The following SEPTIN11 variants were observed in gnomAD, a reference collection of about 807,000 sequenced individuals.
The protein encoded by SEPTIN11 is septin-11.
In SEPTIN11, 25 loss-of-function variants were observed where a neutral mutation model predicts 51.4. That is an observed-to-expected ratio of 0.49 (90% CI 0.35 to 0.68). The LOEUF (loss-of-function observed/expected upper bound fraction) is 0.68, where lower values mean the gene tolerates loss of function less well. Among genes scored for constraint, SEPTIN11 ranks in the 30% least tolerant of loss-of-function variants. The pLI is 0.00. For missense variants in SEPTIN11, 381 were observed against 520.8 expected (o/e 0.73, Z 2.61); for synonymous variants, 174 against 184.1 (o/e 0.95, Z 0.44).
chr4:76,954,364 G>GT (rs1192979950), intron 1 of SEPTIN11, among the ~76,000 whole-genome samples: 3 of 152,122 alleles, frequency 2.0e-5, no homozygotes, highest in Non-Finnish European at 4.4e-5. Flanking sequence ...CTCAAATGGG[G>GT]TTAGCAAAGC....
At chr4:76,956,530 A>C (rs540168226) in intron 1 of SEPTIN11, among the ~76,000 whole-genome samples, 91 of 152,290 alleles carry the variant, frequency 6.0e-4, no homozygotes, top group Non-Finnish European at 4.4e-5. Context: ...CCACCCTCGG[A>C]GGTCTGCTGC....
At chr4:77,002,878 G>A (rs2645662) in intron 2 of SEPTIN11, among the ~76,000 whole-genome samples, 60,319 of 151,826 alleles carry the variant, frequency 0.4, 12,324 homozygotes, top group Non-Finnish European at 0.45. Flanking sequence ...TGTTACAAAC[G>A]TGCAAACAGT....
rs74414008 is a variant in SEPTIN11 at position 77,013,923 on chromosome 4, A to T, written c.526-933A>T. Among the ~76,000 whole-genome samples the T allele has an allele frequency of 8.2e-3, 1,254 of 152,292 alleles. 11 individuals are homozygous for T. Among genetic ancestry groups the T allele is most frequent in the Non-Finnish European group, 0.012 (838 of 68,012 alleles). ...TAACGTCTTATTGAAACCTGTGTTT[A>T]CAGGGATTAGGGGAAAGTTAATCTT... On this transcript the variant is annotated intron_variant, in intron 4 of 9. Coordinates refer to ENST00000264893, the MANE Select transcript of SEPTIN11 (RefSeq NM_018243.4).
intron 1 of SEPTIN11, among the ~76,000 whole-genome samples, chr4:76,951,223 C>G (rs994818517): frequency 3.3e-5 from 5 of 152,188 alleles, no homozygotes. Context: ...TTCATGGGTC[C>G]CTTTGCGGAT....
At chr4:76,991,329 G>C (rs1723364427) in intron 1 of SEPTIN11, among the ~76,000 whole-genome samples, 2 of 152,180 alleles carry the variant, frequency 1.3e-5, no homozygotes. Flanking sequence ...AAAGCAAGTA[G>C]AAAGCAAAGC....
At chr4:76,989,004 T>G (rs1723197428) in intron 1 of SEPTIN11, among the ~76,000 whole-genome samples, 1 of 152,230 alleles carries the variant, frequency 6.6e-6, no homozygotes, top group South Asian at 2.1e-4. Context: ...CTGTGTTGGC[T>G]TTCCTTAAGC....
chr4:76,999,430 C>CCTTA (rs1486946245), intron 2 of SEPTIN11, among the ~76,000 whole-genome samples: 1 of 152,176 alleles, frequency 6.6e-6, no homozygotes, highest in Non-Finnish European at 1.5e-5. Context: ...AACTTTTCCT[C>CCTTA]CTTACTTACT....
At chr4:77,031,992 A>C (rs1400145252) in intron 9 of SEPTIN11, 1 of 152,220 alleles carries the variant, frequency 6.6e-6, no homozygotes, top group African/African-American at 2.4e-5. Context: ...ACATTCTTTA[A>C]ACATAGAGTA....
In SEPTIN11 at chr4:77,035,331, C is replaced by A; in HGVS notation, c.*819C>A. 1 of 985,434 alleles carries A rather than the reference C, an allele frequency of 1.0e-6. No individual in the cohort carries two copies. Among genetic ancestry groups the A allele is most frequent in the Non-Finnish European group, 1.2e-6 (1 of 829,940 alleles). 61.0% of individuals were successfully genotyped at this position (985,434 alleles called of 1,614,324 possible). Reference sequence around the variant, plus strand: ...TGGGCTTTCTACAGCCTGCTTACCACTAACAGTAAGGAATCTTTCATAAAC... The same window carrying A: ...TGGGCTTTCTACAGCCTGCTTACCAATAACAGTAAGGAATCTTTCATAAAC... On this transcript the variant is annotated 3_prime_UTR_variant, in exon 10 of 10. Coordinates refer to ENST00000264893, the MANE Select transcript of SEPTIN11 (RefSeq NM_018243.4).
In SEPTIN11 at chr4:77,026,093, C is replaced by G. The variant is rs372416957; in HGVS notation, c.954-2536C>G. ...AACTTTTTAACGTACTGGTTAAGACCCACAACTGAGTTGTGATTCATAGTT... is the reference window on the plus strand; with the variant it reads ...AACTTTTTAACGTACTGGTTAAGACGCACAACTGAGTTGTGATTCATAGTT... On this transcript the variant is annotated intron_variant, in intron 7 of 9. Transcript: ENST00000264893. 1.9e-4 allele frequency among the ~76,000 whole-genome samples: 29 copies of G among 152,202 alleles called. No individual in the cohort carries two copies. In the South Asian group the frequency reaches 5.2e-3, roughly 27 times the overall value.
intron 1 of SEPTIN11, among the ~76,000 whole-genome samples, chr4:76,966,011 G>T (rs1346714842): frequency 6.6e-6 from 1 of 152,202 alleles, no homozygotes; most frequent in African/African-American, 2.4e-5. Flanking sequence ...ATAAGAGGCT[G>T]CCATTTCTTT....
At chr4:76,982,221 T>C (rs1722807137) in intron 1 of SEPTIN11, among the ~76,000 whole-genome samples, 2 of 152,084 alleles carry the variant, frequency 1.3e-5, no homozygotes, top group South Asian at 4.2e-4. Context: ...TCTTTTTTTT[T>C]TTTTTGATTG....
chr4:76,951,593 A>G (rs35642569), intron 1 of SEPTIN11, among the ~76,000 whole-genome samples: 1 of 152,254 alleles, frequency 6.6e-6, no homozygotes, highest in African/African-American at 2.4e-5. Flanking sequence ...AACTAAAATA[A>G]CAATATCTGC....
downstream of SEPTIN11, chr4:77,040,011 G>T (rs1364269303): frequency 6.5e-6 from 1 of 152,712 alleles, no homozygotes; most frequent in African/African-American, 2.4e-5. Flanking sequence ...TGCTTTCCTT[G>T]TTTTGGAAAC....
intron 8 of SEPTIN11, among the ~76,000 whole-genome samples, chr4:77,030,085 G>A (rs184196535): frequency 7.9e-5 from 12 of 152,064 alleles, no homozygotes; most frequent in Middle Eastern, 3.4e-3. Flanking sequence ...GTGAAACCCC[G>A]TCTCTACTAA....
chr4:77,025,230 A>G (rs1726033563), intron 7 of SEPTIN11, among the ~76,000 whole-genome samples: 1 of 152,210 alleles, frequency 6.6e-6, no homozygotes, highest in Non-Finnish European at 1.5e-5. Context: ...TGAAGAACTA[A>G]AAGTTGCAAA....
At position 77,001,585 on chromosome 4, in the gene SEPTIN11, G is replaced by A. The variant is rs554660716; in HGVS notation, c.143-4016G>A. ...GGATGGTCTCGAACTCCTGACCTCA[G>A]GTGATCCGCCTGCCTCAGCCTCCCA... On this transcript the variant is annotated intron_variant, in intron 2 of 9. Transcript: ENST00000264893. Among the ~76,000 whole-genome samples, 56 of 152,196 alleles carry A rather than the reference G, an allele frequency of 3.7e-4. 1 individual carries two copies. The South Asian group carries it at 0.011, about 31-fold the overall frequency.
chr4:76,966,821 G>A (rs1291512871), intron 1 of SEPTIN11, among the ~76,000 whole-genome samples: 1 of 152,114 alleles, frequency 6.6e-6, no homozygotes, highest in Non-Finnish European at 1.5e-5. Context: ...CCGAGATTGT[G>A]CCACTGTACT....
intron 8 of SEPTIN11, among the ~76,000 whole-genome samples, chr4:77,030,370 C>G (rs1007616498): frequency 3.3e-5 from 5 of 152,262 alleles, no homozygotes; most frequent in African/African-American, 1.2e-4. Flanking sequence ...TGTATTAAAG[C>G]CAGTGCAGCC....
Sources: allele counts gnomAD v4.1 joint callset (sites outside exome capture counted in the v4.1 genomes callset), GRCh38; gene constraint gnomAD v4.1.1; transcripts MANE v1.5; gene names NCBI Gene and HGNC (gene_info 2026-07-23, HGNC 2026-07-21).